Variants in IDE observed in about 807,000 individuals in gnomAD.
IDE encodes insulin degrading enzyme, also known as insulin-degrading enzyme.
IDE carries 58 observed loss-of-function variants against 133.2 expected under a neutral mutation model. The observed-to-expected ratio is 0.44, with a 90% confidence interval of 0.35 to 0.54. The LOEUF (loss-of-function observed/expected upper bound fraction) is 0.54. Among genes scored for constraint, IDE ranks in the 20% least tolerant of loss-of-function variants. The pLI, the probability that IDE is intolerant of heterozygous loss-of-function variation, is 0.00. For missense variants in IDE, 981 were observed against 1,234.0 expected, an observed-to-expected ratio of 0.79 and a Z score of 3.07; for synonymous variants, 396 against 421.3, an observed-to-expected ratio of 0.94 and a Z score of 0.73.
chr10:92,533,414 A>C (rs1481530895), intron 3 of IDE, among the ~76,000 whole-genome samples: 1 of 152,216 alleles, frequency 6.6e-6, no homozygotes, highest in Non-Finnish European at 1.5e-5. Context: ...AGCACATCTC[A>C]TAAACCCATA....
chr10:92,503,993 C>T (rs1848165622), intron 11 of IDE, among the ~76,000 whole-genome samples: 3 of 150,968 alleles, frequency 2.0e-5, no homozygotes, highest in East Asian at 2.0e-4. Flanking sequence ...GCTGGGATTA[C>T]AGGCAGGAGC....
intron 15 of IDE, among the ~76,000 whole-genome samples, chr10:92,476,231 C>T (rs1171241562): frequency 2.0e-5 from 3 of 150,196 alleles, no homozygotes; most frequent in Non-Finnish European, 2.9e-5. Context: ...TGGAGTGCAA[C>T]GGCACGATTT....
rs370428124 is a variant in IDE at position 92,534,560 on chromosome 10, T to C, written c.491+18A>G. 9 of 1,439,046 alleles carry C rather than the reference T, an allele frequency of 6.3e-6. No homozygotes were observed. Among genetic ancestry groups the C allele is most frequent in the Non-Finnish European group, 8.8e-6 (9 of 1,024,202 alleles). The allele number at this position is 1,439,046 out of a possible 1,614,324, so 89.1% of individuals were successfully genotyped here. On this transcript the variant is annotated intron_variant, in intron 3 of 24. Transcript: ENST00000265986. Reference sequence around the variant, plus strand: ...TAAGTACACAAAGTTGGATAATTCATAGGGTATTCTGCATTACCTGTCTAG... The same window carrying C: ...TAAGTACACAAAGTTGGATAATTCACAGGGTATTCTGCATTACCTGTCTAG...
At chr10:92,458,325 C>T (rs1845139205) in intron 22 of IDE, among the ~76,000 whole-genome samples, 1 of 152,002 alleles carries the variant, frequency 6.6e-6, no homozygotes, top group African/African-American at 2.4e-5. Context: ...TTCTAAAATA[C>T]CAATACACTC....
intron 22 of IDE, among the ~76,000 whole-genome samples, chr10:92,458,483 T>C (rs1233184143): frequency 7.1e-6 from 1 of 141,840 alleles, no homozygotes; most frequent in African/African-American, 2.6e-5. Flanking sequence ...TTATAAATAC[T>C]CTCTCTGTTT....
At chr10:92,520,326 T>C (rs940271278) in intron 4 of IDE, among the ~76,000 whole-genome samples, 8 of 152,198 alleles carry the variant, frequency 5.3e-5, no homozygotes, top group African/African-American at 1.9e-4. Context: ...TCAGCACTAA[T>C]GTATATGAAT....
At chr10:92,457,422 T>C (rs1469588762) in intron 22 of IDE, among the ~76,000 whole-genome samples, 1 of 152,156 alleles carries the variant, frequency 6.6e-6, no homozygotes, top group Non-Finnish European at 1.5e-5. Context: ...ATGAATTACA[T>C]GGGTCACACA....
intron 1 of IDE, chr10:92,573,217 C>T (rs1475455759): frequency 7.1e-6 from 7 of 980,720 alleles, no homozygotes; most frequent in Admixed American, 1.2e-4. Flanking sequence ...TGGCAAAAAA[C>T]CTGTGTCCTA....
rs142125702 is a variant in IDE, at chr10:92,546,593, G to C, written c.99-9043C>G. 2.0e-3 allele frequency among the ~76,000 whole-genome samples: 304 copies of C among 152,226 alleles called. 6 individuals carry two copies. The highest frequency in any genetic ancestry group is 7.2e-3 in the African/African-American group (299 of 41,540). On this transcript the variant is annotated intron_variant, in intron 1 of 24. Coordinates refer to ENST00000265986, the MANE Select transcript of IDE (RefSeq NM_004969.4). ...AATTAACATAATTAAACCTTCTCAG[G>C]TGTGTCTCGAGACAATTATTTCAAT...
At chr10:92,483,673 C>T (rs1846758649) in intron 13 of IDE, among the ~76,000 whole-genome samples, 1 of 152,138 alleles carries the variant, frequency 6.6e-6, no homozygotes, top group South Asian at 2.1e-4. Flanking sequence ...GGCAGAAGTC[C>T]CTTGCAAGCG....
intron 22 of IDE, among the ~76,000 whole-genome samples, chr10:92,460,001 TTTA>T (rs928463109): frequency 1.3e-5 from 2 of 151,710 alleles, no homozygotes; most frequent in Non-Finnish European, 1.5e-5. Flanking sequence ...AGCTAATTTT[TTTA>T]TTATTATTAT....
rs1212879700 is a variant in IDE, at chr10:92,470,297, C to T, written c.2165G>A (p.Arg722Gln). ...LKAFIPQLLS[R>Q]LHIEALLHGN... ...ATGGAGAAGGGCTTCAATGTGCAGC[C>T]GTGACAGGAGCTGAGGTATGAAGGC... Residue 722 changes from arginine to glutamine, a missense_variant, in exon 18 of 25, where the codon CGG becomes CAG. By Grantham distance (43) the Arg-to-Gln change is conservative (BLOSUM62 1). Transcript: ENST00000265986. 4 of 1,605,420 alleles carry T rather than the reference C, an allele frequency of 2.5e-6. No homozygotes were observed. The highest frequency in any genetic ancestry group is 2.6e-6 in the Non-Finnish European group (3 of 1,175,420).
chr10:92,521,397 G>GT (rs1849220217), intron 4 of IDE, among the ~76,000 whole-genome samples: 1 of 148,084 alleles, frequency 6.8e-6, no homozygotes, highest in African/African-American at 2.5e-5. Flanking sequence ...TAGGGGTGCA[G>GT]TAAAAAAAAA....
intron 12 of IDE, among the ~76,000 whole-genome samples, chr10:92,489,904 A>G (rs770921195): frequency 2.0e-5 from 3 of 152,268 alleles, no homozygotes; most frequent in Non-Finnish European, 4.4e-5. Flanking sequence ...CACATAGCCA[A>G]TGAGAACCAA....
intron 3 of IDE, among the ~76,000 whole-genome samples, chr10:92,532,184 G>T (rs759081594): frequency 2.0e-5 from 3 of 151,294 alleles, no homozygotes; most frequent in Non-Finnish European, 4.4e-5. Context: ...CACCAAAAAA[G>T]GCAGATTATG....
At position 92,521,670 on chromosome 10, in the gene IDE, T is replaced by C. The variant is rs529490757; in HGVS notation, c.662-6628A>G. Among the ~76,000 whole-genome samples, 4 of 151,930 alleles carry C rather than the reference T, an allele frequency of 2.6e-5. No homozygotes were observed. The East Asian group carries it at 7.7e-4, about 29-fold the overall frequency. On this transcript the variant is annotated intron_variant, in intron 4 of 24. Coordinates refer to ENST00000265986, the MANE Select transcript of IDE (RefSeq NM_004969.4). ...GACAAGCCTGGACAACATAGTGAGA[T>C]CCTGTCTCTACAAAAATTAAAATAA... is the stretch of plus-strand genomic sequence containing the variant.
intron 3 of IDE, 33 bp downstream of exon 3, chr10:92,534,545 A>G: frequency 1.6e-6 from 2 of 1,223,416 alleles, no homozygotes; most frequent in South Asian, 1.3e-5. Flanking sequence ...TAAGTACACA[A>G]AGTTGGATAA....
At chr10:92,495,577 C>T (rs185855495) in intron 11 of IDE, among the ~76,000 whole-genome samples, 21 of 152,206 alleles carry the variant, frequency 1.4e-4, no homozygotes, top group South Asian at 4.1e-4. Flanking sequence ...TCTCCAACTC[C>T]TGACCTCAGG....
intron 22 of IDE, among the ~76,000 whole-genome samples, chr10:92,460,633 A>G (rs1178829568): frequency 6.6e-6 from 1 of 152,208 alleles, no homozygotes; most frequent in Non-Finnish European, 1.5e-5. Flanking sequence ...AAAATATCTC[A>G]TAATGTGGGC....
Sources: gnomAD v4.1 joint callset for allele counts (sites outside exome capture counted in the v4.1 genomes callset) on GRCh38, gnomAD v4.1.1 for gene constraint, MANE v1.5 for transcripts, NCBI Gene and HGNC (gene_info 2026-07-23, HGNC 2026-07-21) for gene names.